MTCL3: variants seen among roughly 807,000 people sequenced by gnomAD.
MTCL3 encodes the protein MTCL family member 3.
chr6:127,473,513 A>C, the MTCL3 span: 1 of 629,272 alleles, frequency 1.6e-6, no homozygotes, highest in Non-Finnish European at 2.5e-6. Context: ...CCCTCCCTTA[A>C]GCCTATATCT....
At chr6:127,475,691 C>A in the MTCL3 span, 2 of 1,583,084 alleles carry the variant, frequency 1.3e-6, no homozygotes, top group Non-Finnish European at 1.7e-6. This position sits in a 1 kb window ranked among gnomAD's most constrained non-coding sequence, Gnocchi z 7.3. Context: ...TCGCTCTCGC[C>A]GCCGATGGGC....
At chr6:127,513,091 A>G in the MTCL3 span, 1 of 1,523,628 alleles carries the variant, frequency 6.6e-7, no homozygotes, top group South Asian at 1.2e-5. Context: ...AATTAATGAC[A>G]ATATAATAAG....
the MTCL3 span, chr6:127,483,136 A>G: frequency 1.8e-6 from 1 of 553,044 alleles, no homozygotes; most frequent in East Asian, 3.2e-5. Context: ...ATCCTAAACC[A>G]GATAGATTTA....
At chr6:127,486,534 T>TCCCAAC in the MTCL3 span, among the ~76,000 whole-genome samples, 1 of 152,150 alleles carries the variant, frequency 6.6e-6, no homozygotes, top group East Asian at 1.9e-4. Flanking sequence ...TCTTGTAACC[T>TCCCAAC]CTGCTAGGGG....
chr6:127,516,309 G>C, the MTCL3 span: 7 of 1,579,554 alleles, frequency 4.4e-6, no homozygotes, highest in Non-Finnish European at 5.1e-6. Context: ...TCGCCTTCTC[G>C]GCCCCACCTC....
chr6:127,515,787 AGCCGCGGCCGCCGCCGCTGCC>A, the MTCL3 span: 4 of 1,607,110 alleles, frequency 2.5e-6, no homozygotes, highest in Non-Finnish European at 2.5e-6. The surrounding 1 kb of genome is among the most constrained non-coding windows in gnomAD (Gnocchi z 4.3). Flanking sequence ...CGTGCATCTG[AGCCGCGGCCGCCGCCGCTGCC>A]GCCCGCTCCT....
the MTCL3 span, chr6:127,475,503 G>C: frequency 5.6e-6 from 9 of 1,613,314 alleles, no homozygotes; most frequent in East Asian, 1.8e-4. This position sits in a 1 kb window ranked among gnomAD's most constrained non-coding sequence, Gnocchi z 7.3. Context: ...TGCGCGCCTC[G>C]GTGATGATGG....
At chr6:127,488,063 C>G in the MTCL3 span, among the ~76,000 whole-genome samples, 1 of 152,070 alleles carries the variant, frequency 6.6e-6, no homozygotes, top group African/African-American at 2.4e-5. Context: ...TCAACCTCAT[C>G]TCCCACCACA....
chr6:127,483,362 T>C, the MTCL3 span, among the ~76,000 whole-genome samples: 3 of 152,200 alleles, frequency 2.0e-5, no homozygotes, highest in Admixed American at 1.3e-4. Context: ...ATTTCCAATG[T>C]TGGGAGTTAG....
the MTCL3 span, among the ~76,000 whole-genome samples, chr6:127,486,358 C>G: frequency 6.6e-6 from 1 of 152,182 alleles, no homozygotes; most frequent in African/African-American, 2.4e-5. Flanking sequence ...TTTTCATATT[C>G]CAGTAAGTTT....
the MTCL3 span, among the ~76,000 whole-genome samples, chr6:127,518,076 A>T: frequency 2.6e-3 from 402 of 152,326 alleles, 1 homozygote; most frequent in African/African-American, 9.4e-3. Flanking sequence ...TGTTTCTGGC[A>T]TCTCCTTCCA....
the MTCL3 span, among the ~76,000 whole-genome samples, chr6:127,498,157 C>CAAG: frequency 2.0e-4 from 31 of 152,202 alleles, no homozygotes; most frequent in African/African-American, 7.2e-4. Context: ...ACTAAAAAGA[C>CAAG]AAGCCTAAGA....
At chr6:127,487,785 T>C in the MTCL3 span, among the ~76,000 whole-genome samples, 2 of 152,184 alleles carry the variant, frequency 1.3e-5, no homozygotes, top group Non-Finnish European at 2.9e-5. Flanking sequence ...CTGTGCAAAA[T>C]CTTTCAGTGG....
the MTCL3 span, among the ~76,000 whole-genome samples, chr6:127,494,979 C>G: frequency 3.9e-5 from 6 of 152,156 alleles, no homozygotes; most frequent in East Asian, 1.2e-3. Context: ...GGGCAGACCA[C>G]GAGGTCAGGA....
chr6:127,492,962 T>C, the MTCL3 span, among the ~76,000 whole-genome samples: 1 of 152,246 alleles, frequency 6.6e-6, no homozygotes, highest in Non-Finnish European at 1.5e-5. Context: ...TAAAAGCTAA[T>C]AAATTTCATC....
the MTCL3 span, among the ~76,000 whole-genome samples, chr6:127,474,848 A>AT: frequency 1.3e-5 from 2 of 151,944 alleles, no homozygotes; most frequent in African/African-American, 4.8e-5. Context: ...TAGTCTAGTC[A>AT]TTTTTTTTAA....
At chr6:127,510,104 T>C in the MTCL3 span, among the ~76,000 whole-genome samples, 2 of 152,268 alleles carry the variant, frequency 1.3e-5, no homozygotes, top group East Asian at 3.9e-4. Flanking sequence ...CCACCTTCCA[T>C]CTTCTCAAAT....
chr6:127,515,668 T>TCCG, the MTCL3 span: 11 of 1,502,114 alleles, frequency 7.3e-6, no homozygotes, highest in Middle Eastern at 2.0e-4. The surrounding 1 kb of genome is among the most constrained non-coding windows in gnomAD (Gnocchi z 4.3). Context: ...CTGGGGGCCC[T>TCCG]CCGCCGCCGC....
At chr6:127,490,502 G>T in the MTCL3 span, among the ~76,000 whole-genome samples, 1 of 151,832 alleles carries the variant, frequency 6.6e-6, no homozygotes, top group Admixed American at 6.6e-5. Context: ...GGAAAGAAAT[G>T]GCATTCTAGA....
Sources: gnomAD v4.1 joint callset for allele counts (sites outside exome capture counted in the v4.1 genomes callset) on GRCh38, gnomAD v4.1.1 for gene constraint, Gnocchi (gnomAD v3.1) non-coding constraint, MANE v1.5 for transcripts, NCBI Gene and HGNC (gene_info 2026-07-23, HGNC 2026-07-21) for gene names.